Variants in SEC24B observed in about 807,000 individuals in gnomAD.
SEC24B encodes the protein SEC24 homolog B, COPII component, also known as protein transport protein Sec24B.
Under a neutral mutation model 142.8 loss-of-function variants are expected in SEC24B, and 45 were observed. That is an observed-to-expected ratio of 0.32 (90% CI 0.25 to 0.40). The LOEUF (loss-of-function observed/expected upper bound fraction) is 0.40. Among genes scored for constraint, SEC24B ranks in the 10% least tolerant of loss-of-function variants. SEC24B has a pLI of 1.00. For missense variants in SEC24B, 1,409 were observed against 1,526.8 expected, an observed-to-expected ratio of 0.92 and a Z score of 1.29; for synonymous variants, 574 against 568.2, an observed-to-expected ratio of 1.01 and a Z score of -0.15.
chr4:109,447,920 C>A (rs1322301300), intron 1 of SEC24B, among the ~76,000 whole-genome samples: 1 of 152,216 alleles, frequency 6.6e-6, no homozygotes, highest in Non-Finnish European at 1.5e-5. Context: ...TTGCCTTTGT[C>A]AGCTAGCTTC....
intron 5 of SEC24B, 54 bp from the exon 6 acceptor site, chr4:109,494,561 T>A: frequency 6.2e-7 from 1 of 1,606,104 alleles, no homozygotes; most frequent in East Asian, 2.2e-5. Context: ...AGGAGTCCAG[T>A]CTTTGTGGAG....
At chr4:109,456,397 C>T (rs1403520311) in intron 1 of SEC24B, among the ~76,000 whole-genome samples, 1 of 138,006 alleles carries the variant, frequency 7.2e-6, no homozygotes, top group Non-Finnish European at 1.6e-5. Flanking sequence ...TTTCTTGCCT[C>T]ACTGAAGGGG....
Position 109,462,924 on chromosome 4 carries a change from G to A in SEC24B, c.157G>A (p.Val53Ile), listed in dbSNP as rs1453983678. The A allele has an allele frequency of 6.2e-7, 1 of 1,609,700 alleles. No homozygotes were observed. Among genetic ancestry groups the A allele is most frequent in the African/African-American group, 1.3e-5 (1 of 74,920 alleles). The change falls in exon 2 of 24, where the codon GTT becomes ATT. Residue 53 changes from valine (V) to isoleucine (I), a missense_variant. Coordinates refer to ENST00000265175, the MANE Select transcript of SEC24B (RefSeq NM_006323.5). The stretch of plus-strand genomic sequence containing the variant: ...AGGTCCAGCCCAGAATCAAATGCAG[G>A]TTCCATCTGGATATGGATTGCATCA... ...QNGPAQNQMQ[V>I]PSGYGLHHQN...
chr4:109,446,342 A>C (rs1729460247), intron 1 of SEC24B, among the ~76,000 whole-genome samples: 1 of 152,238 alleles, frequency 6.6e-6, no homozygotes, highest in Non-Finnish European at 1.5e-5. Flanking sequence ...CCACAAGCCA[A>C]GGAATACCAG....
chr4:109,487,583 A>C (rs1039053098), intron 4 of SEC24B, among the ~76,000 whole-genome samples: 2 of 152,266 alleles, frequency 1.3e-5, no homozygotes, highest in Non-Finnish European at 2.9e-5. Flanking sequence ...ATGTTAACAC[A>C]TAAGTTTTCA....
At position 109,510,094 on chromosome 4, in the gene SEC24B, C is replaced by T; in HGVS notation, c.1759C>T (p.Pro587Ser). The T allele has an allele frequency of 4.4e-6, 7 of 1,597,840 alleles. No homozygotes were observed. The highest frequency in any genetic ancestry group is 6.0e-6 in the Non-Finnish European group (7 of 1,168,442). The change falls in exon 8 of 24, where the codon CCC becomes TCC. Residue 587 changes from proline (P) to serine (S), a missense_variant. Transcript: ENST00000265175. Reference sequence around the variant, plus strand: ...GCTTCCTTTAGGATTGTTGTTACATCCCTTCAGAGACCTAACGGTAAAGTA... The same window carrying T: ...GCTTCCTTTAGGATTGTTGTTACATTCCTTCAGAGACCTAACGGTAAAGTA... ...AKLPLGLLLH[P>S]FRDLTQLPVI...
intron 1 of SEC24B, chr4:109,449,396 C>CTTTTTT: frequency 1.0e-5 from 3 of 301,186 alleles, no homozygotes; most frequent in Non-Finnish European, 2.0e-5. Flanking sequence ...GCTAATTTTT[C>CTTTTTT]TTTTTTTTTT....
rs1422410281 is a variant in SEC24B at position 109,531,415 on chromosome 4, C to T, written c.3283C>T (p.Leu1095=). ...KAFRTGTSTR[L]DDRVYAMCQI... ...ATTTAGAACGGGTACAAGCACACGGCTGGATGATCGTGTATATGCCATGTG... is the reference window on the plus strand; with the variant it reads ...ATTTAGAACGGGTACAAGCACACGGTTGGATGATCGTGTATATGCCATGTG... The change falls in exon 20 of 24, where the codon CTG becomes TTG. Residue 1095 remains leucine (L), a synonymous_variant. Coordinates refer to ENST00000265175, the MANE Select transcript of SEC24B (RefSeq NM_006323.5). 2.2e-5 allele frequency: 35 copies of T among 1,613,434 alleles called. No homozygotes were observed. The highest frequency in any genetic ancestry group is 2.8e-5 in the Non-Finnish European group (33 of 1,179,468).
chr4:109,449,830 G>A (rs1167766670), intron 1 of SEC24B, among the ~76,000 whole-genome samples: 1 of 152,080 alleles, frequency 6.6e-6, no homozygotes, highest in Non-Finnish European at 1.5e-5. Flanking sequence ...ATAATAGAGG[G>A]ATGTCTACGA....
At chr4:109,461,970 C>G (rs1731303393) in intron 1 of SEC24B, among the ~76,000 whole-genome samples, 2 of 151,684 alleles carry the variant, frequency 1.3e-5, no homozygotes, top group African/African-American at 4.8e-5. Context: ...GAAACATTGG[C>G]TGGGCCGTGG....
At chr4:109,514,125 G>A (rs1177040719) in intron 10 of SEC24B, among the ~76,000 whole-genome samples, 1 of 152,060 alleles carries the variant, frequency 6.6e-6, no homozygotes, top group Non-Finnish European at 1.5e-5. Context: ...TGATTTCCTT[G>A]CATGGAATGG....
chr4:109,444,346 A>G (rs1347285456), intron 1 of SEC24B, among the ~76,000 whole-genome samples: 2 of 152,076 alleles, frequency 1.3e-5, no homozygotes, highest in African/African-American at 4.8e-5. Flanking sequence ...TGTGGTAAGG[A>G]ATGTTAAAAA....
At position 109,482,935 on chromosome 4, in the gene SEC24B, A is replaced by AAT. The variant is rs1561116278; in HGVS notation, c.1165+1154_1165+1155insAT. On this transcript the variant is annotated intron_variant, in intron 4 of 23. Coordinates refer to ENST00000265175, the MANE Select transcript of SEC24B (RefSeq NM_006323.5). Reference sequence around the variant, plus strand: ...GCATGAGCTACCTTGCCAGGCTTGTACTATATATATATATATATATATATA... The same window carrying AAT: ...GCATGAGCTACCTTGCCAGGCTTGTAATCTATATATATATATATATATATATA... Among the ~76,000 whole-genome samples, 186 of 37,482 alleles carry AAT rather than the reference A, an allele frequency of 5.0e-3. 25 individuals carry two copies. Among genetic ancestry groups the AAT allele is most frequent in the South Asian group, 0.014 (13 of 926 alleles). The allele number at this position is 37,482 out of a possible 152,430, so 24.6% of individuals were successfully genotyped here. A position where few individuals can be genotyped will look rare whatever the true frequency, so the allele number is the denominator to read the frequency against.
Position 109,448,482 on chromosome 4 carries a change from T to C in SEC24B, c.134-14419T>C, listed in dbSNP as rs59443507. On this transcript the variant is annotated intron_variant, in intron 1 of 23. Transcript: ENST00000265175. Reference sequence around the variant, plus strand: ...GAAAGTGCAGTACCCTTCAGTCAGCTTCCTCTAACAATAACTTATGAAACT... The same window carrying C: ...GAAAGTGCAGTACCCTTCAGTCAGCCTCCTCTAACAATAACTTATGAAACT... 3.4e-3 allele frequency among the ~76,000 whole-genome samples: 525 copies of C among 152,292 alleles called. 5 individuals carry two copies. The highest frequency in any genetic ancestry group is 0.012 in the African/African-American group (512 of 41,548).
chr4:109,438,166 T>C (rs928052150), intron 1 of SEC24B, among the ~76,000 whole-genome samples: 7 of 152,242 alleles, frequency 4.6e-5, no homozygotes, highest in Non-Finnish European at 1.0e-4. Flanking sequence ...GGCAGTTTTT[T>C]CTGTCTCTTG....
chr4:109,504,640 A>C (rs1736499893), intron 6 of SEC24B, among the ~76,000 whole-genome samples: 1 of 152,164 alleles, frequency 6.6e-6, no homozygotes, highest in Non-Finnish European at 1.5e-5. Flanking sequence ...TACACTTCAA[A>C]ATAATATCTG....
chr4:109,459,352 T>C (rs541959244), intron 1 of SEC24B, among the ~76,000 whole-genome samples: 11 of 152,280 alleles, frequency 7.2e-5, no homozygotes, highest in African/African-American at 1.9e-4. Flanking sequence ...ACTTGACATA[T>C]GGTTGATCAG....
In SEC24B at chr4:109,539,708, T is replaced by A; in HGVS notation, c.*33T>A. 1 of 1,375,718 alleles carries A rather than the reference T, an allele frequency of 7.3e-7. No homozygotes were observed. The highest frequency in any genetic ancestry group is 1.0e-6 in the Non-Finnish European group (1 of 969,802). 85.2% of individuals were successfully genotyped at this position (1,375,718 alleles called of 1,614,324 possible). ...TAAAATTGAATAAGAAAAAGATCTA[T>A]AACCTAGGTAAAGCATAATCTGTCA... is the stretch of plus-strand genomic sequence containing the variant. On this transcript the variant is annotated 3_prime_UTR_variant, in exon 24 of 24. Coordinates refer to ENST00000265175, the MANE Select transcript of SEC24B (RefSeq NM_006323.5).
At chr4:109,447,459 G>C (rs1283454467) in intron 1 of SEC24B, among the ~76,000 whole-genome samples, 2 of 152,180 alleles carry the variant, frequency 1.3e-5, no homozygotes, top group African/African-American at 2.4e-5. Flanking sequence ...CTCTTGAGGT[G>C]AAACTCAAGC....
Sources: gnomAD v4.1 joint callset for allele counts (sites outside exome capture counted in the v4.1 genomes callset) on GRCh38, gnomAD v4.1.1 for gene constraint, MANE v1.5 for transcripts, NCBI Gene and HGNC (gene_info 2026-07-23, HGNC 2026-07-21) for gene names.